Variants in FAM186A observed in about 807,000 individuals in gnomAD.
FAM186A encodes the protein protein FAM186A.
Under a neutral mutation model 216.8 loss-of-function variants are expected in FAM186A, and 163 were observed. That is an observed-to-expected ratio of 0.75 (90% CI 0.66 to 0.86). The LOEUF is 0.86. FAM186A is among the 40% of genes least tolerant of loss of function. FAM186A has a pLI of 0.00. For missense variants in FAM186A, 2,184 were observed against 2,746.2 expected, an observed-to-expected ratio of 0.80 and a Z score of 4.58; for synonymous variants, 805 against 1,025.3, an observed-to-expected ratio of 0.79 and a Z score of 4.10.
Position 50,350,382 on chromosome 12 carries a change from C to T in FAM186A, c.6450G>A (p.Gln2150=). 1 of 1,551,150 alleles carries T rather than the reference C, an allele frequency of 6.4e-7. No homozygotes were observed. The highest frequency in any genetic ancestry group is 8.7e-7 in the Non-Finnish European group (1 of 1,146,874). ...TGTACTTGCGGAATAAGTATCCCAA[C>T]TGAACTGTGTCCATATGAAGTATCT... ...IIEILHMDTV[Q]LGYLFRKYIA... is the part of the protein sequence containing the mutation. Residue 2150 remains glutamine, a synonymous_variant, in exon 4 of 8, where the codon CAG becomes CAA. Coordinates refer to ENST00000327337, the MANE Select transcript of FAM186A (RefSeq NM_001145475.3).
At chr12:50,387,648 T>C (rs1402541508) in intron 1 of FAM186A, among the ~76,000 whole-genome samples, 5 of 152,178 alleles carry the variant, frequency 3.3e-5, no homozygotes, top group African/African-American at 1.2e-4. Flanking sequence ...GGAAGGCTGG[T>C]TGCTTCACCC....
At chr12:50,330,862 G>T in intron 6 of FAM186A, 104 bp from the exon 7 acceptor site, 1 of 996,118 alleles carries the variant, frequency 1.0e-6, no homozygotes. Flanking sequence ...GTCCTATAAT[G>T]CCTTCCCCTT....
intron 1 of FAM186A, among the ~76,000 whole-genome samples, chr12:50,364,560 A>AATAT (rs1291715439): frequency 1.4e-4 from 21 of 149,826 alleles, no homozygotes; most frequent in African/African-American, 4.9e-4. Context: ...ACTGTCTAAA[A>AATAT]ATAAATAAAT....
At chr12:50,361,289 C>G (rs1178521557) in intron 2 of FAM186A, among the ~76,000 whole-genome samples, 1 of 152,236 alleles carries the variant, frequency 6.6e-6, no homozygotes, top group East Asian at 1.9e-4. Context: ...ACCTCTGCCT[C>G]CCAGGTTCAA....
rs537106138 is a variant in FAM186A at position 50,360,859 on chromosome 12, C to A, written c.480G>T (p.Glu160Asp). The A allele has an allele frequency of 9.1e-4, 1,419 of 1,551,320 alleles. 2 individuals carry two copies. The highest frequency in any genetic ancestry group is 1.1e-3 in the Non-Finnish European group (1,304 of 1,146,846). ...TAGCTTTTAACGTGTCCGGTAACAA[C>A]TCCATTTGTGCTATCCAGTGGTGGT... is the stretch of plus-strand genomic sequence containing the variant. ...DEHHHWIAQM[E>D]LLPDTLKAIE... The change falls in exon 3 of 8, where the codon GAG (glutamate) becomes GAT (aspartate). Residue 160 changes from glutamate (E) to aspartate (D), a missense_variant. By Grantham distance (45) the Glu-to-Asp change is conservative. Transcript: ENST00000327337.
intron 4 of FAM186A, among the ~76,000 whole-genome samples, chr12:50,346,237 AAAAG>A (rs1555215380): frequency 0.014 from 1,443 of 102,254 alleles, 47 homozygotes; most frequent in African/African-American, 0.044. Flanking sequence ...AAGAAAGAAA[AAAAG>A]AAAGAAAGAA....
At chr12:50,370,548 G>A (rs144143147) in intron 1 of FAM186A, among the ~76,000 whole-genome samples, 82 of 152,194 alleles carry the variant, frequency 5.4e-4, no homozygotes, top group Admixed American at 1.5e-3. Flanking sequence ...TGCACTGCTG[G>A]TAGGAATGTA....
At chr12:50,392,384 T>C (rs1380294684) in intron 1 of FAM186A, 1 of 152,432 alleles carries the variant, frequency 6.6e-6, no homozygotes, top group Non-Finnish European at 1.5e-5. Flanking sequence ...GTTCATGCCA[T>C]TCTCCTGCCT....
chr12:50,365,607 G>A, intron 1 of FAM186A: 1 of 579,736 alleles, frequency 1.7e-6, no homozygotes, highest in Non-Finnish European at 3.1e-6. Flanking sequence ...TAAGTGTGTA[G>A]TTCTCTTCCC....
intron 1 of FAM186A, among the ~76,000 whole-genome samples, chr12:50,367,723 T>C (rs530171753): frequency 6.6e-6 from 1 of 151,700 alleles, no homozygotes; most frequent in Admixed American, 6.6e-5. Flanking sequence ...AAACACACTA[T>C]TAGAACAATA....
At chr12:50,329,072 A>T (rs1942631423) in intron 7 of FAM186A, among the ~76,000 whole-genome samples, 1 of 152,184 alleles carries the variant, frequency 6.6e-6, no homozygotes, top group Admixed American at 6.5e-5. Context: ...GTGAGCCAAG[A>T]TTGCACCACT....
chr12:50,380,188 T>C (rs1943240937), intron 1 of FAM186A, among the ~76,000 whole-genome samples: 1 of 152,186 alleles, frequency 6.6e-6, no homozygotes. Context: ...ATAACTTCAC[T>C]TAGAAGAAGA....
chr12:50,392,773 T>TC (rs1943372408), intron 1 of FAM186A, among the ~76,000 whole-genome samples: 1 of 148,332 alleles, frequency 6.7e-6, no homozygotes, highest in African/African-American at 2.5e-5. Flanking sequence ...TAATTTTTTT[T>TC]TTTTTTTTTT....
chr12:50,351,713 G>T lies in FAM186A; in HGVS notation c.5119C>A (p.Gln1707Lys). ...AATGGTCTATGGGACCACTGGACTT[G>T]CTTAAGGGTGAGGGGCGATCCCAAG... is the stretch of plus-strand genomic sequence containing the variant. ...HTLGSPLTLK[Q>K]VQWSHRPFQK... The change falls in exon 4 of 8, where the codon CAA becomes AAA. Residue 1707 changes from glutamine to lysine, a missense_variant. Transcript: ENST00000327337. 1 of 1,551,578 alleles carries T rather than the reference G, an allele frequency of 6.4e-7. No individual in the cohort carries two copies.
Position 50,353,697 on chromosome 12 carries a change from G to C in FAM186A, c.3135C>G (p.Pro1045=), listed in dbSNP as rs1019811167. 1.9e-6 allele frequency: 3 copies of C among 1,539,338 alleles called. No homozygotes were observed. Residue 1045 remains proline (P), a synonymous_variant, in exon 4 of 8, where the codon CCC becomes CCG. Coordinates refer to ENST00000327337, the MANE Select transcript of FAM186A (RefSeq NM_001145475.3). ...GGGAGGGGGGAGGTGTGATTGATAT[G>C]GGCTCCTTTTCATCAGGAAGGTTCT... The part of the protein sequence containing the change: ...TLENLPDEKE[P]ISITPPPSLQ...
chr12:50,372,606 A>T (rs1361016239), intron 1 of FAM186A, among the ~76,000 whole-genome samples: 1 of 151,246 alleles, frequency 6.6e-6, no homozygotes, highest in Non-Finnish European at 1.5e-5. Context: ...AAAAAAAAAA[A>T]GAAATAATAC....
Position 50,351,027 on chromosome 12 carries a change from C to T in FAM186A, c.5805G>A (p.Trp1935Ter). 1 of 1,551,186 alleles carries T rather than the reference C, an allele frequency of 6.4e-7. No homozygotes were observed. Among genetic ancestry groups the T allele is most frequent in the Non-Finnish European group, 8.7e-7 (1 of 1,146,858 alleles). ...PPTSRHPPTL[W>*]PSPAPGKPQK... is the part of the protein sequence containing the mutation. ...GGGGCTTTCCAGGGGCTGGGGACGG[C>T]CATAGTGTGGGAGGATGTCTAGAGG... The change falls in exon 4 of 8, where the codon TGG (tryptophan) becomes TGA (stop). Residue 1935 changes from tryptophan (W) to a stop codon, truncating the protein, a stop_gained. Transcript: ENST00000327337. LOFTEE classifies it high-confidence loss of function.
At chr12:50,365,160 A>G (rs1229012057) in intron 1 of FAM186A, among the ~76,000 whole-genome samples, 1 of 152,190 alleles carries the variant, frequency 6.6e-6, no homozygotes, top group Non-Finnish European at 1.5e-5. Context: ...AATTTCTCCA[A>G]GAAAATTTCA....
At chr12:50,366,112 G>T in intron 1 of FAM186A, 1 of 627,236 alleles carries the variant, frequency 1.6e-6, no homozygotes, top group Non-Finnish European at 2.8e-6. Context: ...TACGAGCTTT[G>T]ATTAATACTT....
Sources: allele counts gnomAD v4.1 joint callset (sites outside exome capture counted in the v4.1 genomes callset), GRCh38; gene constraint gnomAD v4.1.1; transcripts MANE v1.5; gene names NCBI Gene and HGNC (gene_info 2026-07-23, HGNC 2026-07-21).